QNG1: variants seen among roughly 807,000 people sequenced by gnomAD.
QNG1 encodes Q-nucleotide N-glycosylase 1.
chr9:83,952,437 G>A, the QNG1 span, among the ~76,000 whole-genome samples: 1 of 152,162 alleles, frequency 6.6e-6, no homozygotes, highest in Admixed American at 6.6e-5. Context: ...CAAGGTGGGT[G>A]GATCACAGGG....
chr9:83,952,471 C>T, the QNG1 span, among the ~76,000 whole-genome samples: 3 of 151,882 alleles, frequency 2.0e-5, no homozygotes, highest in Non-Finnish European at 2.9e-5. Flanking sequence ...ATCAGCCTGG[C>T]CAATATGGTG....
chr9:83,938,791 T>C, the QNG1 span: 1 of 151,700 alleles, frequency 6.6e-6, no homozygotes, highest in Non-Finnish European at 1.5e-5. Flanking sequence ...TTGCCCAGGA[T>C]AGAATGCAGT....
chr9:83,949,420 G>A, the QNG1 span, among the ~76,000 whole-genome samples: 3 of 152,116 alleles, frequency 2.0e-5, no homozygotes, highest in South Asian at 6.2e-4. Flanking sequence ...GAGGCGGGTG[G>A]ATCACCTGAG....
At chr9:83,956,711 C>A in the QNG1 span, 4 of 436,516 alleles carry the variant, frequency 9.2e-6, no homozygotes, top group South Asian at 6.4e-5. Context: ...GACCCCGGGG[C>A]AGCTCGCTGG....
At chr9:83,944,649 T>C in the QNG1 span, 2 of 602,052 alleles carry the variant, frequency 3.3e-6, no homozygotes, top group Admixed American at 3.7e-5. Flanking sequence ...TTTCTCTACA[T>C]TTTGTCTTTG....
chr9:83,948,340 G>T, the QNG1 span, among the ~76,000 whole-genome samples: 1 of 102,944 alleles, frequency 9.7e-6, no homozygotes, highest in Non-Finnish European at 2.6e-5. Context: ...TGGGAAGTGA[G>T]GAGGGTCTCC....
the QNG1 span, chr9:83,955,716 G>A: frequency 7.3e-7 from 1 of 1,378,200 alleles, no homozygotes; most frequent in Admixed American, 2.0e-5. Flanking sequence ...TTACAACATG[G>A]AATTAATATG....
At chr9:83,956,119 G>C in the QNG1 span, 1 of 1,591,390 alleles carries the variant, frequency 6.3e-7, no homozygotes, top group Non-Finnish European at 8.5e-7. Context: ...CAAGTAAATG[G>C]AAACCTCAAA....
At chr9:83,942,401 G>A in the QNG1 span, among the ~76,000 whole-genome samples, 4 of 152,172 alleles carry the variant, frequency 2.6e-5, no homozygotes, top group East Asian at 1.9e-4. Flanking sequence ...CAAGTACTAC[G>A]TCTTTGGTGA....
chr9:83,938,508 C>A, the QNG1 span: 4 of 151,740 alleles, frequency 2.6e-5, no homozygotes, highest in Admixed American at 2.6e-4. Context: ...CTTTTTTATA[C>A]CAAATGATTA....
At chr9:83,942,841 T>C in the QNG1 span, among the ~76,000 whole-genome samples, 2 of 152,254 alleles carry the variant, frequency 1.3e-5, no homozygotes, top group East Asian at 1.9e-4. Flanking sequence ...CCAGTGGATA[T>C]TGGAAAAGAG....
the QNG1 span, chr9:83,955,671 A>C: frequency 6.2e-7 from 1 of 1,600,496 alleles, no homozygotes; most frequent in East Asian, 2.2e-5. Flanking sequence ...TCAGAGGACC[A>C]ATGTCATACT....
chr9:83,939,445 CA>C, the QNG1 span: 1 of 1,089,206 alleles, frequency 9.2e-7, no homozygotes, highest in Non-Finnish European at 1.4e-6. Context: ...AATATCAAAG[CA>C]AAACTGTACA....
At chr9:83,939,746 G>A in the QNG1 span, 7 of 1,607,086 alleles carry the variant, frequency 4.4e-6, no homozygotes, top group South Asian at 5.5e-5. Context: ...CATTTCTCCT[G>A]CAAGGGGGAA....
At chr9:83,953,014 A>T in the QNG1 span, among the ~76,000 whole-genome samples, 1 of 151,874 alleles carries the variant, frequency 6.6e-6, no homozygotes, top group Admixed American at 6.6e-5. Flanking sequence ...CAAGCCTGTA[A>T]TCCCAGCACT....
At chr9:83,940,010 A>G in the QNG1 span, among the ~76,000 whole-genome samples, 6 of 152,222 alleles carry the variant, frequency 3.9e-5, no homozygotes, top group African/African-American at 7.2e-5. Flanking sequence ...TAGCTCCCCA[A>G]TAAATATTTG....
chr9:83,946,731 C>T, the QNG1 span, among the ~76,000 whole-genome samples: 5 of 151,984 alleles, frequency 3.3e-5, no homozygotes, highest in South Asian at 2.1e-4. Flanking sequence ...CAAAACACGG[C>T]GAAACCCTGT....
At chr9:83,945,408 A>C in the QNG1 span, among the ~76,000 whole-genome samples, 1 of 152,032 alleles carries the variant, frequency 6.6e-6, no homozygotes, top group South Asian at 2.1e-4. Context: ...CTCAAAAAAA[A>C]AAAAAAAAAA....
the QNG1 span, among the ~76,000 whole-genome samples, chr9:83,941,635 G>A: frequency 1.3e-5 from 2 of 152,096 alleles, no homozygotes; most frequent in South Asian, 2.1e-4. Flanking sequence ...GATACAGGTC[G>A]GGTGCAGTGG....
Sources: gnomAD v4.1 joint callset for allele counts (sites outside exome capture counted in the v4.1 genomes callset) on GRCh38, gnomAD v4.1.1 for gene constraint, MANE v1.5 for transcripts, NCBI Gene and HGNC (gene_info 2026-07-23, HGNC 2026-07-21) for gene names.